Variants in NEDD4L observed in about 807,000 individuals in gnomAD.
The protein encoded by NEDD4L is NEDD4 like E3 ubiquitin protein ligase, also known as E3 ubiquitin-protein ligase NEDD4-like.
A neutral mutation model predicts 148.9 loss-of-function variants in NEDD4L; 54 were observed. That is an observed-to-expected ratio of 0.36 (90% CI 0.29 to 0.45). NEDD4L has a LOEUF of 0.45. NEDD4L is among the 20% of genes least tolerant of loss of function. The pLI is 1.00. For synonymous variants in NEDD4L, 433 were observed against 440.7 expected, an observed-to-expected ratio of 0.98 and a Z score of 0.22; for missense variants, 856 against 1,233.8, an observed-to-expected ratio of 0.69 and a Z score of 4.59.
intron 1 of NEDD4L, among the ~76,000 whole-genome samples, chr18:58,159,953 G>T (rs180777314): frequency 6.6e-6 from 1 of 152,224 alleles, no homozygotes; most frequent in African/African-American, 2.4e-5. Flanking sequence ...TGGGGTCACA[G>T]TGGCTCCCTG....
chr18:58,234,045 TTTTC>T (rs1156456436), intron 2 of NEDD4L, among the ~76,000 whole-genome samples: 1,981 of 117,862 alleles, frequency 0.017, 38 homozygotes, highest in African/African-American at 0.023. Context: ...ATTTCTTTCC[TTTTC>T]TTTCTTTCTT....
At chr18:58,283,148 T>A (rs2053416720) in intron 5 of NEDD4L, among the ~76,000 whole-genome samples, 1 of 152,198 alleles carries the variant, frequency 6.6e-6, no homozygotes, top group South Asian at 2.1e-4. Flanking sequence ...CGATCTCAGC[T>A]CACTGCAACC....
intron 16 of NEDD4L, among the ~76,000 whole-genome samples, chr18:58,348,982 T>C (rs1449010669): frequency 6.6e-6 from 1 of 152,174 alleles, no homozygotes; most frequent in Non-Finnish European, 1.5e-5. Context: ...CTTTGTGAGT[T>C]TGCCTGATGA....
intron 5 of NEDD4L, among the ~76,000 whole-genome samples, chr18:58,302,788 T>C (rs1219560231): frequency 6.6e-6 from 1 of 152,204 alleles, no homozygotes; most frequent in Non-Finnish European, 1.5e-5. Context: ...GCTAGCTCTT[T>C]CCCAGCAAGC....
intron 1 of NEDD4L, among the ~76,000 whole-genome samples, chr18:58,151,696 G>A (rs938549214): frequency 1.4e-5 from 2 of 147,614 alleles, no homozygotes; most frequent in Admixed American, 6.8e-5. Context: ...TGGACATGTC[G>A]GGTAGAGTGT....
intron 5 of NEDD4L, among the ~76,000 whole-genome samples, chr18:58,276,612 A>G (rs1270802429): frequency 6.6e-6 from 1 of 151,820 alleles, no homozygotes; most frequent in African/African-American, 2.4e-5. Context: ...GAGTTTATGT[A>G]AGGAATTAAT....
rs1279049519 is a variant in NEDD4L, at chr18:58,350,971, C to T, written c.1654-20C>T. On this transcript the variant is annotated intron_variant, in intron 17 of 30. Transcript: ENST00000400345. The stretch of plus-strand genomic sequence containing the variant: ...GCTAATGTTTATATTTTCTCTCTCC[C>T]TTCCTTCCCCGGATACTAGCCTGGC... The T allele has an allele frequency of 3.2e-6, 5 of 1,571,456 alleles. No homozygotes were observed. The highest frequency in any genetic ancestry group is 4.3e-6 in the Non-Finnish European group (5 of 1,155,698).
intron 5 of NEDD4L, among the ~76,000 whole-genome samples, chr18:58,303,045 C>T (rs916321587): frequency 2.0e-5 from 3 of 152,214 alleles, no homozygotes; most frequent in Non-Finnish European, 2.9e-5. Context: ...AGACACCTGC[C>T]GTCAGCACTG....
At chr18:58,357,163 G>A in intron 18 of NEDD4L, 31 bp from the exon 19 acceptor site, 1 of 1,115,320 alleles carries the variant, frequency 9.0e-7, no homozygotes, top group African/African-American at 2.2e-5. Flanking sequence ...CTAATGTTCT[G>A]ATTTTTTTTT....
At chr18:58,318,004 G>A (rs1380972850) in intron 6 of NEDD4L, among the ~76,000 whole-genome samples, 3 of 152,186 alleles carry the variant, frequency 2.0e-5, no homozygotes, top group Non-Finnish European at 4.4e-5. Context: ...CTGAATGCAC[G>A]TGGCTTTTGA....
chr18:58,063,310 G>C (rs2082426881), intron 1 of NEDD4L, among the ~76,000 whole-genome samples: 1 of 151,892 alleles, frequency 6.6e-6, no homozygotes, highest in Non-Finnish European at 1.5e-5. Flanking sequence ...TCCTGCCTCA[G>C]CTTCCCAAAT....
intron 5 of NEDD4L, among the ~76,000 whole-genome samples, chr18:58,313,434 C>T (rs537832963): frequency 6.6e-5 from 10 of 152,276 alleles, no homozygotes; most frequent in Admixed American, 5.9e-4. Flanking sequence ...TTACCAGAAC[C>T]CTCTGAAGTC....
intron 14 of NEDD4L, 46 bp from the exon 15 acceptor site, chr18:58,341,632 C>T (rs781728401): frequency 3.5e-5 from 55 of 1,583,920 alleles, no homozygotes; most frequent in African/African-American, 9.4e-5. Context: ...TCACACACAC[C>T]GGGAGATCCT....
At chr18:58,364,926 G>A (rs1181740533) in intron 20 of NEDD4L, among the ~76,000 whole-genome samples, 1 of 152,126 alleles carries the variant, frequency 6.6e-6, no homozygotes, top group Non-Finnish European at 1.5e-5. Flanking sequence ...TCCCCAAATT[G>A]TTCAACATTG....
chr18:58,281,163 A>G (rs2053009932), intron 5 of NEDD4L, among the ~76,000 whole-genome samples: 1 of 151,986 alleles, frequency 6.6e-6, no homozygotes, highest in Non-Finnish European at 1.5e-5. Context: ...TTTTTTGTAG[A>G]GAAGGTGTCT....
At chr18:58,153,192 A>AT (rs952642593) in intron 1 of NEDD4L, among the ~76,000 whole-genome samples, 2 of 149,548 alleles carry the variant, frequency 1.3e-5, no homozygotes, top group African/African-American at 5.0e-5. Context: ...CTTGATGATA[A>AT]TTTTTTTTTA....
chr18:58,128,535 A>G (rs1272233324), intron 1 of NEDD4L, among the ~76,000 whole-genome samples: 1 of 152,178 alleles, frequency 6.6e-6, no homozygotes, highest in Non-Finnish European at 1.5e-5. Flanking sequence ...CATAGCATAA[A>G]CAGTGCAACG....
Position 58,256,958 on chromosome 18 carries a change from C to CA in NEDD4L, c.297+4905dup, listed in dbSNP as rs1176645961. On this transcript the variant is annotated intron_variant, in intron 5 of 30. Coordinates refer to ENST00000400345, the MANE Select transcript of NEDD4L (RefSeq NM_001144967.3). This position sits in a 1 kb window ranked among gnomAD's most constrained non-coding sequence, Gnocchi z 5.2. ...GTCCAGTGTTTGGTGCGCAAAACAC[C>CA]ATTTCTGCAAATGTCTTCTGTAGGT... 6.6e-6 allele frequency among the ~76,000 whole-genome samples: 1 copy of CA among 152,258 alleles called. No homozygotes were observed. The highest frequency in any genetic ancestry group is 1.9e-4 in the East Asian group (1 of 5,174).
At chr18:58,083,703 CA>C (rs1568192091) in intron 1 of NEDD4L, among the ~76,000 whole-genome samples, 2 of 121,374 alleles carry the variant, frequency 1.6e-5, no homozygotes, top group African/African-American at 6.3e-5. Context: ...ACAAAAAAAA[CA>C]AAACAACAAC....
Sources: gnomAD v4.1 joint callset for allele counts (sites outside exome capture counted in the v4.1 genomes callset) on GRCh38, gnomAD v4.1.1 for gene constraint, Gnocchi (gnomAD v3.1) non-coding constraint, MANE v1.5 for transcripts, NCBI Gene and HGNC (gene_info 2026-07-23, HGNC 2026-07-21) for gene names.